The following EDAR variants were observed in gnomAD, a reference collection of about 807,000 sequenced individuals.
EDAR encodes the protein tumor necrosis factor receptor superfamily member EDAR.
A neutral mutation model predicts 51.3 loss-of-function variants in EDAR; 38 were observed. The ratio of observed to expected loss-of-function variants is 0.74; its 90% confidence interval spans 0.57 to 0.97. The LOEUF (loss-of-function observed/expected upper bound fraction) is 0.97. EDAR is among the 50% of genes least tolerant of loss of function. The probability of loss-of-function intolerance (pLI) is 0.00; values close to 1 mark genes in which losing one functional copy is unlikely to be tolerated. For missense variants in EDAR, 528 were observed against 595.0 expected (o/e 0.89, Z 1.17); for synonymous variants, 227 against 242.1 (o/e 0.94, Z 0.58).
chr2:108,955,670 CACTATAGCCTGGGCGACAGAGTGAG>C (rs1204057627), intron 1 of EDAR, among the ~76,000 whole-genome samples: 2 of 151,174 alleles, frequency 1.3e-5, no homozygotes, highest in Admixed American at 6.6e-5. Flanking sequence ...CACACCACTG[CACTATAGCCTGGGCGACAGAGTGAG>C]ACTCTGTCTC....
At chr2:108,948,833 G>C (rs952737924) in intron 1 of EDAR, among the ~76,000 whole-genome samples, 2 of 152,136 alleles carry the variant, frequency 1.3e-5, no homozygotes, top group Non-Finnish European at 2.9e-5. Flanking sequence ...AAAAAGTAGA[G>C]TTGGCCAGGC....
intron 1 of EDAR, among the ~76,000 whole-genome samples, chr2:108,938,505 T>C (rs1022844906): frequency 2.0e-5 from 3 of 152,202 alleles, no homozygotes; most frequent in African/African-American, 7.2e-5. Flanking sequence ...TAACGTGGCT[T>C]GCAAATATCC....
At chr2:108,910,350 A>G (rs1032258787) in intron 9 of EDAR, 110 bp downstream of exon 9, 35 of 882,272 alleles carry the variant, frequency 4.0e-5, no homozygotes, top group Non-Finnish European at 6.5e-5. Flanking sequence ...GAACGTCCCC[A>G]TAGTGTCCCA....
At chr2:108,937,905 G>A (rs1259962442) in intron 1 of EDAR, among the ~76,000 whole-genome samples, 1 of 152,354 alleles carries the variant, frequency 6.6e-6, no homozygotes, top group Non-Finnish European at 1.5e-5. Context: ...ACAGAGGTAG[G>A]TTTGAGTTGA....
chr2:108,955,953 C>A (rs1232828652), intron 1 of EDAR, among the ~76,000 whole-genome samples: 1 of 152,108 alleles, frequency 6.6e-6, no homozygotes, highest in Non-Finnish European at 1.5e-5. Context: ...GGCGGGAACC[C>A]AGGAGGTGGA....
intron 5 of EDAR, among the ~76,000 whole-genome samples, chr2:108,921,739 C>G (rs1697145401): frequency 2.0e-5 from 3 of 152,238 alleles, no homozygotes; most frequent in Admixed American, 2.0e-4. Flanking sequence ...GTTTGGCATT[C>G]ACACCGAGGC....
intron 1 of EDAR, among the ~76,000 whole-genome samples, chr2:108,956,840 G>A (rs893337672): frequency 1.3e-5 from 2 of 151,542 alleles, no homozygotes; most frequent in African/African-American, 4.9e-5. Context: ...CCAGGCTACA[G>A]TGCAATGGCA....
intron 1 of EDAR, among the ~76,000 whole-genome samples, chr2:108,953,914 A>C (rs1697871430): frequency 6.6e-6 from 1 of 152,234 alleles, no homozygotes; most frequent in Non-Finnish European, 1.5e-5. Flanking sequence ...ATCCTTTGAA[A>C]TAATGTTTTT....
intron 9 of EDAR, among the ~76,000 whole-genome samples, chr2:108,908,826 T>C (rs920276847): frequency 6.6e-6 from 1 of 152,200 alleles, no homozygotes; most frequent in African/African-American, 2.4e-5. Flanking sequence ...GTAACTAGGT[T>C]ACAGCAGTGA....
intron 5 of EDAR, among the ~76,000 whole-genome samples, chr2:108,918,623 C>T (rs886842743): frequency 6.6e-6 from 1 of 152,174 alleles, no homozygotes; most frequent in African/African-American, 2.4e-5. Context: ...GCGTGGAGTT[C>T]GAGGCAGTGG....
In EDAR at chr2:108,959,596, G is replaced by A. The variant is rs181097749; in HGVS notation, c.-18-28564C>T. Reference sequence around the variant, plus strand: ...CAGTCATGGGGCTGAGGGGAGCTGGGGCCTCACACACCCTTGGGGCTCCAG... The same window carrying A: ...CAGTCATGGGGCTGAGGGGAGCTGGAGCCTCACACACCCTTGGGGCTCCAG... On this transcript the variant is annotated intron_variant, in intron 1 of 11. Coordinates refer to ENST00000258443, the MANE Select transcript of EDAR (RefSeq NM_022336.4). Among the ~76,000 whole-genome samples the A allele has an allele frequency of 3.1e-3, 475 of 152,274 alleles. 8 individuals carry two copies. Among genetic ancestry groups the A allele is most frequent in the Non-Finnish European group, 1.2e-3 (82 of 68,024 alleles).
At chr2:108,925,366 CTG>C (rs1466077035) in intron 4 of EDAR, among the ~76,000 whole-genome samples, 12 of 152,368 alleles carry the variant, frequency 7.9e-5, no homozygotes, top group Admixed American at 3.3e-4. Flanking sequence ...GGCTTGGTCT[CTG>C]TCATGGGTAA....
chr2:108,932,106 G>A (rs139205382), intron 1 of EDAR, among the ~76,000 whole-genome samples: 88 of 152,210 alleles, frequency 5.8e-4, no homozygotes, highest in East Asian at 3.5e-3. Flanking sequence ...CAAAAACACC[G>A]TGACGAACAT....
intron 1 of EDAR, among the ~76,000 whole-genome samples, chr2:108,960,602 A>T (rs896658815): frequency 6.6e-6 from 1 of 151,966 alleles, no homozygotes; most frequent in African/African-American, 2.4e-5. Flanking sequence ...AGGTTTTTAC[A>T]TTTTTTTTCA....
chr2:108,988,247 C>G (rs1465390841), intron 1 of EDAR, among the ~76,000 whole-genome samples: 1 of 152,184 alleles, frequency 6.6e-6, no homozygotes, highest in African/African-American at 2.4e-5. Flanking sequence ...CCCAGCCACC[C>G]GCTTCTCCCT....
At chr2:108,910,666 T>C (rs1696909127) in intron 8 of EDAR, 110 bp downstream of exon 8, 3 of 1,437,842 alleles carry the variant, frequency 2.1e-6, no homozygotes, top group Non-Finnish European at 2.9e-6. Context: ...GTAAGCACAG[T>C]ATGGTTCAGC....
At chr2:108,979,486 C>T (rs1698386702) in intron 1 of EDAR, among the ~76,000 whole-genome samples, 1 of 152,012 alleles carries the variant, frequency 6.6e-6, no homozygotes, top group Non-Finnish European at 1.5e-5. Context: ...CACACACACA[C>T]ACACACACAC....
intron 1 of EDAR, among the ~76,000 whole-genome samples, chr2:108,932,205 A>G (rs1276326089): frequency 6.6e-6 from 1 of 152,150 alleles, no homozygotes; most frequent in Non-Finnish European, 1.5e-5. Flanking sequence ...GGCATTAGGT[A>G]GAAATTAGCG....
intron 1 of EDAR, among the ~76,000 whole-genome samples, chr2:108,938,314 T>C (rs957200802): frequency 2.6e-5 from 4 of 152,230 alleles, no homozygotes; most frequent in Non-Finnish European, 5.9e-5. Flanking sequence ...AACATGGTTA[T>C]TGCTGCTTGT....
Sources: allele counts gnomAD v4.1 joint callset (sites outside exome capture counted in the v4.1 genomes callset), GRCh38; gene constraint gnomAD v4.1.1; transcripts MANE v1.5; gene names NCBI Gene and HGNC (gene_info 2026-07-23, HGNC 2026-07-21).